CA10: variants seen among roughly 807,000 people sequenced by gnomAD.
CA10 encodes the protein carbonic anhydrase 10 (inactive).
In CA10, 14 loss-of-function variants were observed where a neutral mutation model predicts 44.2. The ratio of observed to expected loss-of-function variants is 0.32; its 90% CI spans 0.21 to 0.50. CA10 has a LOEUF of 0.50. Among genes scored for constraint, CA10 ranks in the 20% least tolerant of loss-of-function variants. The pLI, the probability that CA10 is intolerant of heterozygous loss-of-function variation, is 0.99. For missense variants in CA10, 350 were observed against 409.7 expected (o/e 0.85, Z 1.26); for synonymous variants, 159 against 141.6 (o/e 1.12, Z -0.87).
intron 8 of CA10, among the ~76,000 whole-genome samples, chr17:51,632,872 T>G (rs1217526814): frequency 6.6e-6 from 1 of 152,190 alleles, no homozygotes; most frequent in Non-Finnish European, 1.5e-5. Context: ...GATGTCAACT[T>G]AAATGTCCCC....
rs79538949 is a variant in CA10, at chr17:52,017,807, C to A, written c.136+54512G>T. 4.3e-4 allele frequency among the ~76,000 whole-genome samples: 66 copies of A among 152,146 alleles called. No homozygotes were observed. In the East Asian group the frequency reaches 0.012, roughly 29 times the overall value. ...GGTAGTCATGCACTCGTAGCCAAGA[C>A]AACGGGATAAAGACCTCAAAGGCAT... On this transcript the variant is annotated intron_variant, in intron 2 of 8. Coordinates refer to ENST00000451037, the MANE Select transcript of CA10 (RefSeq NM_020178.5).
chr17:52,054,147 C>T (rs1987158028), intron 2 of CA10, among the ~76,000 whole-genome samples: 1 of 152,188 alleles, frequency 6.6e-6, no homozygotes, highest in Non-Finnish European at 1.5e-5. Flanking sequence ...TATTTCTCTT[C>T]TTTCAAAAGC....
intron 3 of CA10, among the ~76,000 whole-genome samples, chr17:51,914,313 C>G (rs1981905736): frequency 1.3e-5 from 2 of 152,104 alleles, no homozygotes; most frequent in Admixed American, 6.6e-5. Context: ...ATATCGTGAC[C>G]TAGAAATTAA....
intron 3 of CA10, among the ~76,000 whole-genome samples, chr17:51,754,285 AGTGTGTGTGT>A (rs60269292): frequency 0.015 from 2,117 of 140,890 alleles, 54 homozygotes; most frequent in Admixed American, 0.039. Context: ...GAAACAGAAT[AGTGTGTGTGT>A]GTGTGTGTGT....
At chr17:51,831,692 A>AGCG (rs1567854568) in intron 3 of CA10, among the ~76,000 whole-genome samples, 1 of 79,782 alleles carries the variant, frequency 1.3e-5, no homozygotes, top group Non-Finnish European at 3.0e-5. Context: ...CAGCAGCAGC[A>AGCG]GCAGCAGCAG....
chr17:51,880,571 G>A (rs1189273508), intron 3 of CA10, among the ~76,000 whole-genome samples: 1 of 152,034 alleles, frequency 6.6e-6, no homozygotes, highest in Non-Finnish European at 1.5e-5. Context: ...CAAAGTGCTG[G>A]GAGTATAGGT....
intron 2 of CA10, among the ~76,000 whole-genome samples, chr17:51,960,655 C>T (rs1370301025): frequency 6.6e-6 from 1 of 152,030 alleles, no homozygotes; most frequent in Non-Finnish European, 1.5e-5. Flanking sequence ...AAACATTCTT[C>T]AGAAAAAAGT....
At chr17:51,770,268 C>T (rs941665688) in intron 3 of CA10, among the ~76,000 whole-genome samples, 1 of 151,118 alleles carries the variant, frequency 6.6e-6, no homozygotes, top group Admixed American at 6.6e-5. Flanking sequence ...ATGACTTCTA[C>T]GTTATTCTCT....
intron 1 of CA10, among the ~76,000 whole-genome samples, chr17:52,080,331 A>G (rs1015291338): frequency 5.9e-5 from 9 of 152,150 alleles, no homozygotes; most frequent in East Asian, 1.9e-4. Context: ...CGGCGCCTGT[A>G]GTCCCAGCTA....
At chr17:51,836,792 T>C (rs1019398305) in intron 3 of CA10, among the ~76,000 whole-genome samples, 5 of 152,046 alleles carry the variant, frequency 3.3e-5, no homozygotes. Flanking sequence ...AGGGAGGCAA[T>C]TGATGGGGAG....
intron 3 of CA10, among the ~76,000 whole-genome samples, chr17:51,855,307 C>T (rs1816525216): frequency 6.6e-6 from 1 of 152,036 alleles, no homozygotes; most frequent in African/African-American, 2.4e-5. Flanking sequence ...CAGAAAAGCA[C>T]TTTGTAAAAT....
intron 1 of CA10, among the ~76,000 whole-genome samples, chr17:52,089,117 T>G (rs1311415835): frequency 1.3e-5 from 2 of 152,226 alleles, no homozygotes; most frequent in South Asian, 2.1e-4. Context: ...ACAGAAAACG[T>G]TCCACATGCT....
Position 52,069,326 on chromosome 17 carries a change from A to C in CA10, c.136+2993T>G, listed in dbSNP as rs560014634. Among the ~76,000 whole-genome samples the C allele has an allele frequency of 2.4e-4, 37 of 152,296 alleles. 1 individual carries two copies. The highest frequency in any genetic ancestry group is 3.4e-3 in the Middle Eastern group (1 of 294). On this transcript the variant is annotated intron_variant, in intron 2 of 8. Transcript: ENST00000451037. ...CCATTGTTGGTATAAATCTCAGCCA[A>C]GAGTAACCCTCTGGGGCTGGTAAGG... is the stretch of plus-strand genomic sequence containing the variant.
intron 1 of CA10, among the ~76,000 whole-genome samples, chr17:52,100,701 G>T (rs992566587): frequency 3.9e-5 from 6 of 152,034 alleles, no homozygotes; most frequent in Non-Finnish European, 5.9e-5. Context: ...CCCCATATCT[G>T]GTCTCTCATG....
intron 5 of CA10, among the ~76,000 whole-genome samples, chr17:51,652,884 C>A (rs1913628623): frequency 6.6e-6 from 1 of 152,094 alleles, no homozygotes; most frequent in Admixed American, 6.6e-5. Context: ...TTTGGAACTG[C>A]CACACATTGC....
chr17:52,039,334 C>A (rs1465657477), intron 2 of CA10, among the ~76,000 whole-genome samples: 2 of 151,504 alleles, frequency 1.3e-5, no homozygotes, highest in Non-Finnish European at 2.9e-5. Context: ...CACACAGCAC[C>A]TTTTGTCAGC....
At chr17:51,837,585 C>T (rs955992824) in intron 3 of CA10, among the ~76,000 whole-genome samples, 7 of 152,178 alleles carry the variant, frequency 4.6e-5, no homozygotes, top group African/African-American at 1.7e-4. Flanking sequence ...TATTCCAAAG[C>T]ATTTGTCTTT....
chr17:51,996,079 G>C (rs933122551), intron 2 of CA10, among the ~76,000 whole-genome samples: 1 of 152,034 alleles, frequency 6.6e-6, no homozygotes, highest in Non-Finnish European at 1.5e-5. Context: ...CTTGTCACCT[G>C]TACTGTGGGT....
chr17:51,813,138 C>T (rs890151575), intron 3 of CA10, among the ~76,000 whole-genome samples: 2 of 152,062 alleles, frequency 1.3e-5, no homozygotes, highest in African/African-American at 4.8e-5. Flanking sequence ...AAAATTATAC[C>T]ACCAGGAGAG....
Sources: gnomAD v4.1 joint callset for allele counts (sites outside exome capture counted in the v4.1 genomes callset) on GRCh38, gnomAD v4.1.1 for gene constraint, MANE v1.5 for transcripts, NCBI Gene and HGNC (gene_info 2026-07-23, HGNC 2026-07-21) for gene names.